Variants in DGKG observed in about 807,000 individuals in gnomAD.
The protein encoded by DGKG is DAG kinase gamma.
DGKG carries 78 observed loss-of-function variants against 105.3 expected under a neutral mutation model. The observed-to-expected ratio is 0.74, with a 90% CI of 0.62 to 0.89. The LOEUF (loss-of-function observed/expected upper bound fraction) is 0.89. Ranked by LOEUF, DGKG falls within the 40% of genes least tolerant of loss-of-function variation. DGKG has a pLI of 0.00. For synonymous variants in DGKG, 346 were observed against 367.1 expected (o/e 0.94, Z 0.66); for missense variants, 958 against 1,020.1 (o/e 0.94, Z 0.83).
intron 20 of DGKG, among the ~76,000 whole-genome samples, chr3:186,213,300 C>T (rs558108461): frequency 2.6e-5 from 4 of 152,348 alleles, no homozygotes; most frequent in South Asian, 2.1e-4. Flanking sequence ...ATGTCAGTCT[C>T]CTCAGCCTGC....
chr3:186,238,292 TAA>T (rs5855085), intron 20 of DGKG, among the ~76,000 whole-genome samples: 3 of 81,268 alleles, frequency 3.7e-5, no homozygotes, highest in East Asian at 3.8e-4. Flanking sequence ...TGACTCTTTC[TAA>T]AAAAAAAAAA....
At chr3:186,355,532 C>CCGT (rs1726904040) in intron 1 of DGKG, among the ~76,000 whole-genome samples, 1 of 151,710 alleles carries the variant, frequency 6.6e-6, no homozygotes, top group African/African-American at 2.4e-5. Context: ...GCCACTACCA[C>CCGT]CATCACCACT....
intron 14 of DGKG, among the ~76,000 whole-genome samples, chr3:186,264,908 C>T (rs1227838473): frequency 6.6e-6 from 1 of 152,208 alleles, no homozygotes. Context: ...GACAGCTTGG[C>T]AATCTTGAAA....
intron 3 of DGKG, among the ~76,000 whole-genome samples, chr3:186,305,297 G>A (rs9819808): frequency 0.081 from 12,301 of 152,268 alleles, 691 homozygotes; most frequent in South Asian, 0.13. Context: ...AGACTGGAAG[G>A]TGGTAAGATA....
At chr3:186,350,472 T>C (rs1308699656) in intron 1 of DGKG, among the ~76,000 whole-genome samples, 2 of 152,270 alleles carry the variant, frequency 1.3e-5, no homozygotes, top group Non-Finnish European at 2.9e-5. Context: ...TACCACATTT[T>C]GTTTATCCAG....
rs151239107 is a variant in DGKG at position 186,320,427 on chromosome 3, T to C, written c.33A>G (p.Pro11=). The C allele has an allele frequency of 8.7e-6, 14 of 1,614,192 alleles. No individual in the cohort carries two copies. The highest frequency in any genetic ancestry group is 1.1e-5 in the Non-Finnish European group (13 of 1,180,018). Residue 11 remains proline, a synonymous_variant, in exon 2 of 25, where the codon CCA becomes CCG. Coordinates refer to ENST00000265022, the MANE Select transcript of DGKG (RefSeq NM_001346.3). ...ATTTCTGGAGTTGGTCAAATTCTTC[T>C]GGAGTGAGGGAGACCCACCGTTCTT... MGEERWVSLT[P]EEFDQLQKYS... is the part of the protein sequence containing the mutation.
chr3:186,284,526 T>C lies in DGKG; in HGVS notation c.594+134A>G, dbSNP rs987317744. 7.3e-5 allele frequency: 58 copies of C among 799,318 alleles called. No individual in the cohort carries two copies. Among genetic ancestry groups the C allele is most frequent in the Non-Finnish European group, 1.2e-4 (55 of 468,482 alleles). The allele number at this position is 799,318 out of a possible 1,614,324, so 49.5% of individuals were successfully genotyped here. On this transcript the variant is annotated intron_variant, in intron 7 of 24. Coordinates refer to ENST00000265022, the MANE Select transcript of DGKG (RefSeq NM_001346.3). This position sits in a 1 kb window ranked among gnomAD's most constrained non-coding sequence, Gnocchi z 4.0. ...AGCGGGTGGAGAGGTCCTAGTCGGA[T>C]TTCCTCAGCCTGCATCGAGACATTG...
rs180721331 is a variant in DGKG, at chr3:186,182,433, C to T, written c.2095+5769G>A. On this transcript the variant is annotated intron_variant, in intron 22 of 24. Transcript: ENST00000265022. ...ACAAGGCTGAGGGAGGGAGACCATA[C>T]TTGTTTCCATCTTGTAAGTGTTGAA... 1.7e-3 allele frequency among the ~76,000 whole-genome samples: 253 copies of T among 152,292 alleles called. 1 individual carries two copies. The highest frequency in any genetic ancestry group is 5.7e-3 in the African/African-American group (237 of 41,558).
At chr3:186,276,745 C>A (rs1467260275) in intron 9 of DGKG, among the ~76,000 whole-genome samples, 1 of 152,214 alleles carries the variant, frequency 6.6e-6, no homozygotes, top group Non-Finnish European at 1.5e-5. Context: ...TATCCCTGAA[C>A]TTTTCTCATA....
intron 14 of DGKG, 122 bp from the exon 15 acceptor site, chr3:186,261,900 G>A (rs1372238073): frequency 9.5e-6 from 6 of 633,846 alleles, no homozygotes; most frequent in Admixed American, 3.0e-5. Flanking sequence ...GCAGTCAGGT[G>A]TTTTTCCACT....
At chr3:186,216,141 G>T (rs1719281776) in intron 20 of DGKG, among the ~76,000 whole-genome samples, 2 of 151,986 alleles carry the variant, frequency 1.3e-5, no homozygotes, top group Admixed American at 6.6e-5. Context: ...TGGGATTACA[G>T]GCATGCGCCA....
intron 14 of DGKG, among the ~76,000 whole-genome samples, chr3:186,263,150 A>ACAAACAAG: frequency 6.7e-6 from 1 of 149,182 alleles, no homozygotes; most frequent in South Asian, 2.1e-4. Flanking sequence ...AAACAAACAA[A>ACAAACAAG]CAAACAAACA....
intron 1 of DGKG, among the ~76,000 whole-genome samples, chr3:186,328,916 G>A (rs569744466): frequency 6.6e-6 from 1 of 152,152 alleles, no homozygotes; most frequent in South Asian, 2.1e-4. Flanking sequence ...AAAGTTAGGG[G>A]CCTAAAACAT....
At position 186,305,279 on chromosome 3, in the gene DGKG, T is replaced by C. The variant is rs1724174474; in HGVS notation, c.144+1622A>G. On this transcript the variant is annotated intron_variant, in intron 3 of 24. Coordinates refer to ENST00000265022, the MANE Select transcript of DGKG (RefSeq NM_001346.3). ...AGGTGATGATCACTGAGAAGGTGACTTGAGCATAGACTGGAAGGTGGTAAG... is the reference window on the plus strand; with the variant it reads ...AGGTGATGATCACTGAGAAGGTGACCTGAGCATAGACTGGAAGGTGGTAAG... Among the ~76,000 whole-genome samples, 4 of 152,184 alleles carry C rather than the reference T, an allele frequency of 2.6e-5. No individual in the cohort carries two copies. In the South Asian group the frequency reaches 8.3e-4, roughly 31 times the overall value.
At position 186,156,024 on chromosome 3, in the gene DGKG, GCTGGTTTCTTTATAC is replaced by G. The variant is rs374488249; in HGVS notation, c.2277+5564_2277+5578del. ...TTTTTTTTTCCGCTGGATTCTAATA[GCTGGTTTCTTTATAC>G]CTTGTGAGAATTAACCTGATCTTTG... On this transcript the variant is annotated intron_variant, in intron 24 of 24. Transcript: ENST00000265022. Among the ~76,000 whole-genome samples, 861 of 151,812 alleles carry G rather than the reference GCTGGTTTCTTTATAC, an allele frequency of 5.7e-3. 11 individuals are homozygous for G. Among genetic ancestry groups the G allele is most frequent in the African/African-American group, 0.019 (791 of 41,368 alleles).
intron 20 of DGKG, among the ~76,000 whole-genome samples, chr3:186,228,701 T>C (rs556176147): frequency 1.3e-5 from 2 of 152,358 alleles, no homozygotes; most frequent in African/African-American, 2.4e-5. Context: ...CTTCTCTCCT[T>C]GGCGAATTTC....
intron 1 of DGKG, among the ~76,000 whole-genome samples, chr3:186,356,229 A>T (rs1324932628): frequency 6.6e-6 from 1 of 152,190 alleles, no homozygotes; most frequent in East Asian, 1.9e-4. Flanking sequence ...CATTATTTTT[A>T]TTGATGACTT....
At chr3:186,155,988 A>G (rs1277950564) in intron 24 of DGKG, among the ~76,000 whole-genome samples, 1 of 151,846 alleles carries the variant, frequency 6.6e-6, no homozygotes, top group Non-Finnish European at 1.5e-5. Context: ...TCACTATTGC[A>G]TTGTTAGTAT....
intron 2 of DGKG, among the ~76,000 whole-genome samples, chr3:186,308,094 T>TC (rs952577980): frequency 2.0e-5 from 3 of 152,110 alleles, no homozygotes; most frequent in Non-Finnish European, 4.4e-5. Context: ...CCCTTAATGT[T>TC]CCCTCTATGT....
Sources: allele counts gnomAD v4.1 joint callset (sites outside exome capture counted in the v4.1 genomes callset), GRCh38; gene constraint gnomAD v4.1.1; non-coding constraint Gnocchi (gnomAD v3.1); transcripts MANE v1.5; gene names NCBI Gene and HGNC (gene_info 2026-07-23, HGNC 2026-07-21).